Variants in RASA2 observed in about 807,000 individuals in gnomAD.
RASA2 encodes the protein ras GTPase-activating protein 2.
A neutral mutation model predicts 118.2 loss-of-function variants in RASA2; 155 were observed. The observed-to-expected ratio is 1.31, with a 90% CI of 1.15 to 1.50. The LOEUF (loss-of-function observed/expected upper bound fraction) is 1.50. Among genes scored for constraint, RASA2 ranks in the 40% most tolerant of loss-of-function variants. The pLI is 0.00. For synonymous variants in RASA2, 353 were observed against 349.1 expected, an observed-to-expected ratio of 1.01 and a Z score of -0.12; for missense variants, 1,016 against 1,009.6, an observed-to-expected ratio of 1.01 and a Z score of -0.09.
chr3:141,553,132 T>C (rs1311378858), intron 5 of RASA2, among the ~76,000 whole-genome samples: 3 of 152,206 alleles, frequency 2.0e-5, no homozygotes, highest in Admixed American at 6.5e-5. Context: ...GGCTGCAGAA[T>C]TGTGTGAAGC....
At chr3:141,503,002 A>G (rs1018430198) in intron 1 of RASA2, among the ~76,000 whole-genome samples, 38 of 152,140 alleles carry the variant, frequency 2.5e-4, no homozygotes, top group African/African-American at 8.9e-4. Context: ...ATGCCAGATA[A>G]CCTTACCAGC....
chr3:141,559,017 T>C, intron 8 of RASA2, 55 bp downstream of exon 8: 1 of 1,434,728 alleles, frequency 7.0e-7, no homozygotes, highest in Non-Finnish European at 9.6e-7. Context: ...AAGAAAATCC[T>C]AGATTCAACC....
chr3:141,529,872 T>G, intron 4 of RASA2, 70 bp downstream of exon 4: 1 of 1,219,590 alleles, frequency 8.2e-7, no homozygotes, highest in East Asian at 2.3e-5. Context: ...CTAATTAAAC[T>G]GGTTCATGTA....
At position 141,529,693 on chromosome 3, in the gene RASA2, A is replaced by G. The variant is rs772907849; in HGVS notation, c.356-15A>G. 2 of 1,562,798 alleles carry G rather than the reference A, an allele frequency of 1.3e-6. No individual in the cohort carries two copies. The highest frequency in any genetic ancestry group is 2.7e-5 in the African/African-American group (2 of 73,666). ...GAAGCATGTTTTCTTATATTGTTTTACTTATTTTCTGTAGGAAAAGTAGCC... is the reference window on the plus strand; with the variant it reads ...GAAGCATGTTTTCTTATATTGTTTTGCTTATTTTCTGTAGGAAAAGTAGCC... On this transcript the variant is annotated splice_polypyrimidine_tract_variant and intron_variant, in intron 3 of 23. Transcript: ENST00000286364.
At chr3:141,522,610 T>C (rs533505901) in intron 3 of RASA2, among the ~76,000 whole-genome samples, 1 of 152,302 alleles carries the variant, frequency 6.6e-6, no homozygotes, top group East Asian at 1.9e-4. Flanking sequence ...TGGCCTCTGG[T>C]TGGCCTCATG....
chr3:141,519,294 G>A (rs1431490395), intron 3 of RASA2, among the ~76,000 whole-genome samples: 2 of 152,058 alleles, frequency 1.3e-5, no homozygotes, highest in African/African-American at 4.8e-5. Flanking sequence ...AAAAAAATTT[G>A]CCAATATGAT....
intron 16 of RASA2, 112 bp from the exon 17 acceptor site, chr3:141,580,988 A>G: frequency 8.5e-7 from 1 of 1,173,368 alleles, no homozygotes; most frequent in Non-Finnish European, 1.1e-6. Context: ...GAACTCTCTG[A>G]AAATATATAA....
chr3:141,504,620 A>G (rs2081836524), intron 1 of RASA2, among the ~76,000 whole-genome samples: 1 of 152,082 alleles, frequency 6.6e-6, no homozygotes, highest in South Asian at 2.1e-4. Context: ...TCGCTCATTG[A>G]GATTACTACA....
intron 9 of RASA2, among the ~76,000 whole-genome samples, chr3:141,561,494 A>G (rs1211425210): frequency 6.6e-6 from 1 of 152,248 alleles, no homozygotes; most frequent in Non-Finnish European, 1.5e-5. Context: ...TGAAATTTAT[A>G]TAGCATGAAA....
At chr3:141,605,281 A>G (rs1194171591) in intron 19 of RASA2, among the ~76,000 whole-genome samples, 1 of 152,208 alleles carries the variant, frequency 6.6e-6, no homozygotes, top group South Asian at 2.1e-4. Flanking sequence ...TCAGATATTA[A>G]AACTTCTAAA....
Position 141,487,157 on chromosome 3 carries a change from A to G in RASA2, c.74A>G (p.Glu25Gly). The change falls in exon 1 of 24, where the codon GAG (glutamate) becomes GGG (glycine). Residue 25 changes from glutamate to glycine, a missense_variant. Transcript: ENST00000286364. ...APAASATAEPEAGDQDSREVR... is the reference protein window; with the variant it reads ...APAASATAEPGAGDQDSREVR... ...GCGGCGAGTGCGACTGCAGAGCCCG[A>G]GGCCGGGGACCAGGACAGTCGCGAG... 1 of 1,467,628 alleles carries G rather than the reference A, an allele frequency of 6.8e-7. No homozygotes were observed. The highest frequency in any genetic ancestry group is 9.1e-7 in the Non-Finnish European group (1 of 1,102,630). The allele number at this position is 1,467,628 out of a possible 1,614,324, so 90.9% of individuals were successfully genotyped here.
intron 19 of RASA2, among the ~76,000 whole-genome samples, chr3:141,593,230 A>G (rs761283466): frequency 1.1e-4 from 16 of 152,084 alleles, no homozygotes; most frequent in Non-Finnish European, 2.2e-4. Context: ...TATTTTTAGT[A>G]GAGACAGGGT....
At chr3:141,568,492 TAAGAG>T (rs1011097910) in intron 9 of RASA2, among the ~76,000 whole-genome samples, 1 of 151,830 alleles carries the variant, frequency 6.6e-6, no homozygotes, top group Non-Finnish European at 1.5e-5. Context: ...GGAAAAAAGA[TAAGAG>T]AAAAACAAAG....
At chr3:141,494,751 G>A (rs528209807) in intron 1 of RASA2, among the ~76,000 whole-genome samples, 1 of 151,888 alleles carries the variant, frequency 6.6e-6, no homozygotes, top group Admixed American at 6.6e-5. Flanking sequence ...TTTTTTTGAT[G>A]TGCTATGTGA....
intron 4 of RASA2, among the ~76,000 whole-genome samples, chr3:141,533,010 T>C (rs1241512837): frequency 1.3e-5 from 2 of 152,170 alleles, no homozygotes; most frequent in Admixed American, 1.3e-4. Flanking sequence ...AAACACCATT[T>C]TGAGATGCCA....
chr3:141,584,077 A>C (rs1266863647), intron 17 of RASA2, among the ~76,000 whole-genome samples: 2 of 152,186 alleles, frequency 1.3e-5, no homozygotes, highest in African/African-American at 4.8e-5. Context: ...TTACGCCTGT[A>C]ATCCCAGCAC....
At position 141,577,912 on chromosome 3, in the gene RASA2, A is replaced by G. The variant is rs376583760; in HGVS notation, c.1590+806A>G. ...TTTACATGTTTATTTCTTAATTTTT[A>G]AAATTCTTTATTTTTGCTATACTTC... is the stretch of plus-strand genomic sequence containing the variant. On this transcript the variant is annotated intron_variant, in intron 15 of 23. Transcript: ENST00000286364. 4.6e-5 allele frequency among the ~76,000 whole-genome samples: 7 copies of G among 152,276 alleles called. No individual in the cohort carries two copies. The East Asian group carries it at 1.2e-3, about 25-fold the overall frequency.
Position 141,584,495 on chromosome 3 carries a change from T to A in RASA2, c.1753-1530T>A, listed in dbSNP as rs1057319030. ...TTTTCACTAGCTGACTTGGTAAAGA[T>A]GGATACTATAAATTTTCTTGATGGG... On this transcript the variant is annotated intron_variant, in intron 17 of 23. Transcript: ENST00000286364. Among the ~76,000 whole-genome samples the A allele has an allele frequency of 2.0e-5, 3 of 152,178 alleles. No homozygotes were observed. In the South Asian group the frequency reaches 6.2e-4, roughly 31 times the overall value.
intron 1 of RASA2, among the ~76,000 whole-genome samples, chr3:141,508,612 C>G (rs573333705): frequency 3.9e-5 from 6 of 152,236 alleles, no homozygotes; most frequent in African/African-American, 1.4e-4. Context: ...ATCCTGTTCT[C>G]AAGCAGTTTG....
Sources: gnomAD v4.1 joint callset for allele counts (sites outside exome capture counted in the v4.1 genomes callset) on GRCh38, gnomAD v4.1.1 for gene constraint, MANE v1.5 for transcripts, NCBI Gene and HGNC (gene_info 2026-07-23, HGNC 2026-07-21) for gene names.